ARID4B: variants seen among roughly 807,000 people sequenced by gnomAD.
ARID4B encodes AT-rich interaction domain 4B.
A neutral mutation model predicts 147.5 loss-of-function variants in ARID4B; 26 were observed. The observed-to-expected ratio is 0.18, with a 90% CI of 0.13 to 0.24. ARID4B has a LOEUF of 0.24. Among genes scored for constraint, ARID4B ranks in the 10% least tolerant of loss-of-function variants. ARID4B has a pLI of 1.00. For synonymous variants in ARID4B, 512 were observed against 507.9 expected (o/e 1.01, Z -0.11); for missense variants, 1,179 against 1,511.5 (o/e 0.78, Z 3.65).
At chr1:235,249,234 G>A (rs966517320) in intron 6 of ARID4B, among the ~76,000 whole-genome samples, 3 of 152,240 alleles carry the variant, frequency 2.0e-5, no homozygotes. Context: ...TCAAGAGGCT[G>A]AGGCACGAGA....
At chr1:235,230,606 A>AAC (rs1668146719) in intron 10 of ARID4B, among the ~76,000 whole-genome samples, 1 of 131,302 alleles carries the variant, frequency 7.6e-6, no homozygotes, top group Non-Finnish European at 1.6e-5. Flanking sequence ...AAAAAAAAAA[A>AAC]AAAAAAAAAA....
intron 17 of ARID4B, among the ~76,000 whole-genome samples, chr1:235,197,565 A>G (rs1665589576): frequency 6.6e-6 from 1 of 152,216 alleles, no homozygotes; most frequent in Non-Finnish European, 1.5e-5. Context: ...CGTAATAAGA[A>G]TAAGAGGGAA....
chr1:235,308,887 C>T (rs904040584), intron 2 of ARID4B, among the ~76,000 whole-genome samples: 56 of 152,340 alleles, frequency 3.7e-4, no homozygotes, highest in Non-Finnish European at 6.2e-4. Flanking sequence ...AGCCTCTGCC[C>T]GGCTGCCACC....
chr1:235,208,514 T>G lies in ARID4B; in HGVS notation c.1841+5255A>C, dbSNP rs192818330. Among the ~76,000 whole-genome samples the G allele has an allele frequency of 2.1e-3, 313 of 150,844 alleles. 2 individuals are homozygous for G. Among genetic ancestry groups the G allele is most frequent in the East Asian group, 5.8e-3 (30 of 5,186 alleles). ...AATTTTATTATTATTTTTTTTCTAT[T>G]TTTTTGAGATGGAGTTTCGCTCTTG... On this transcript the variant is annotated intron_variant, in intron 17 of 23. Transcript: ENST00000264183.
chr1:235,234,554 C>T, intron 8 of ARID4B, 62 bp from the exon 9 acceptor site: 2 of 1,128,576 alleles, frequency 1.8e-6, no homozygotes, highest in Non-Finnish European at 1.3e-6. Context: ...TAAGTACCCA[C>T]CATTTAAATC....
intron 17 of ARID4B, among the ~76,000 whole-genome samples, chr1:235,209,400 G>A (rs181943690): frequency 2.3e-4 from 35 of 152,246 alleles, no homozygotes; most frequent in African/African-American, 7.7e-4. Context: ...GAACCTGGGA[G>A]GCGGAGGTGA....
rs968288159 is a variant in ARID4B, at chr1:235,193,913, G to GA, written c.2125+99dup. 10 of 849,910 alleles carry GA rather than the reference G, an allele frequency of 1.2e-5. No homozygotes were observed. The Admixed American group carries it at 1.6e-4, about 13-fold the overall frequency. The allele number at this position is 849,910 out of a possible 1,614,324, so 52.6% of individuals were successfully genotyped here. On this transcript the variant is annotated intron_variant, in intron 19 of 23. Coordinates refer to ENST00000264183, the MANE Select transcript of ARID4B (RefSeq NM_016374.6). ...TAAGAGAGCAAACAAAACTCTGGTAGAAAAAACAGTAGTTGGTAATGTCAC... is the reference window on the plus strand; with the variant it reads ...TAAGAGAGCAAACAAAACTCTGGTAGAAAAAAACAGTAGTTGGTAATGTCAC...
chr1:235,234,869 T>C (rs1432240987), intron 8 of ARID4B, among the ~76,000 whole-genome samples: 2 of 152,252 alleles, frequency 1.3e-5, no homozygotes, highest in South Asian at 2.1e-4. Flanking sequence ...CAGAGCCTTG[T>C]AGGCCATATT....
At chr1:235,220,576 G>T in intron 14 of ARID4B, 31 bp from the exon 15 acceptor site, 1 of 1,491,824 alleles carries the variant, frequency 6.7e-7, no homozygotes, top group Non-Finnish European at 9.0e-7. Flanking sequence ...TACATTTGGT[G>T]AAAACATTTC....
At chr1:235,207,354 T>C (rs1428984116) in intron 17 of ARID4B, among the ~76,000 whole-genome samples, 1 of 152,228 alleles carries the variant, frequency 6.6e-6, no homozygotes, top group Non-Finnish European at 1.5e-5. Flanking sequence ...ACAGTCATTG[T>C]GGTTGCTTGC....
chr1:235,231,434 T>C (rs1488011666), intron 9 of ARID4B, among the ~76,000 whole-genome samples: 3 of 152,188 alleles, frequency 2.0e-5, no homozygotes, highest in Non-Finnish European at 4.4e-5. Flanking sequence ...ACCAACGTGT[T>C]CCCAAATACC....
At chr1:235,215,374 T>C (rs937451945) in intron 16 of ARID4B, among the ~76,000 whole-genome samples, 58 of 152,194 alleles carry the variant, frequency 3.8e-4, no homozygotes, top group Non-Finnish European at 4.4e-4. Context: ...ACTCCATCAC[T>C]TTAGGGCTCA....
intron 5 of ARID4B, among the ~76,000 whole-genome samples, chr1:235,255,251 ATAGATAGATAGATATATATCTCTC>A (rs1404371785): frequency 2.3e-4 from 24 of 102,732 alleles, no homozygotes; most frequent in African/African-American, 7.6e-4. Flanking sequence ...AGATAGATAG[ATAGATAGATAGATATATATCTCTC>A]TCTCTCTCTC....
intron 20 of ARID4B, chr1:235,180,619 TA>T (rs1664251534): frequency 6.6e-6 from 1 of 152,228 alleles, no homozygotes; most frequent in Non-Finnish European, 1.5e-5. Context: ...TAATTGCAAG[TA>T]TTTTTTTAAT....
chr1:235,319,766 CG>C (rs1226219078), intron 2 of ARID4B, among the ~76,000 whole-genome samples: 1 of 151,772 alleles, frequency 6.6e-6, no homozygotes, highest in Non-Finnish European at 1.5e-5. Context: ...CCAAGGCGGG[CG>C]GATCACTTAA....
chr1:235,199,760 C>T (rs1170755877), intron 17 of ARID4B, among the ~76,000 whole-genome samples: 1 of 152,164 alleles, frequency 6.6e-6, no homozygotes, highest in Admixed American at 6.5e-5. Flanking sequence ...CAAATACAAG[C>T]TGAGATCACT....
In ARID4B at chr1:235,291,170, G is replaced by A. The variant is rs545569524; in HGVS notation, c.7-30418C>T. 7.2e-5 allele frequency among the ~76,000 whole-genome samples: 11 copies of A among 152,226 alleles called. No individual in the cohort carries two copies. The South Asian group carries it at 2.1e-3, about 29-fold the overall frequency. On this transcript the variant is annotated intron_variant, in intron 2 of 23. Transcript: ENST00000264183. ...CCAGCACTTTGGGATGCGGAGGTGGGCAGATCACCAGGTCAGGAGATCAAG... is the reference window on the plus strand; with the variant it reads ...CCAGCACTTTGGGATGCGGAGGTGGACAGATCACCAGGTCAGGAGATCAAG...
intron 2 of ARID4B, among the ~76,000 whole-genome samples, chr1:235,272,817 T>C (rs914758539): frequency 2.5e-5 from 3 of 120,406 alleles, no homozygotes; most frequent in African/African-American, 8.3e-5. Flanking sequence ...AATGTCTATA[T>C]TAATTTATTA....
At chr1:235,268,116 A>T (rs1670737467) in intron 2 of ARID4B, among the ~76,000 whole-genome samples, 1 of 152,224 alleles carries the variant, frequency 6.6e-6, no homozygotes, top group Admixed American at 6.5e-5. Flanking sequence ...GTGGCGGAGG[A>T]CATGGATGAG....
Sources: allele counts gnomAD v4.1 joint callset (sites outside exome capture counted in the v4.1 genomes callset), GRCh38; gene constraint gnomAD v4.1.1; transcripts MANE v1.5; gene names NCBI Gene and HGNC (gene_info 2026-07-23, HGNC 2026-07-21).